Variants in SNTG1 observed in about 807,000 individuals in gnomAD.
The protein encoded by SNTG1 is gamma-1-syntrophin.
A neutral mutation model predicts 74.7 loss-of-function variants in SNTG1; 39 were observed. The observed-to-expected ratio is 0.52, with a 90% CI of 0.40 to 0.68. The LOEUF is 0.68. SNTG1 is among the 30% of genes least tolerant of loss of function. The pLI is 0.00. For synonymous variants in SNTG1, 254 were observed against 217.1 expected (o/e 1.17, Z -1.49); for missense variants, 685 against 609.5 (o/e 1.12, Z -1.30).
intron 1 of SNTG1, among the ~76,000 whole-genome samples, chr8:50,124,448 C>T (rs1003297266): frequency 7.0e-6 from 1 of 142,104 alleles, no homozygotes; most frequent in Non-Finnish European, 1.6e-5. Flanking sequence ...AATCATTGTT[C>T]AGAAATTTTT....
At chr8:50,280,985 C>CAAAAAAAAAAAAA (rs35973666) in intron 2 of SNTG1, among the ~76,000 whole-genome samples, 8 of 75,442 alleles carry the variant, frequency 1.1e-4, no homozygotes, top group Admixed American at 3.1e-4. Context: ...AACCCAGTCT[C>CAAAAAAAAAAAAA]AAAAAAAAAA....
intron 18 of SNTG1, among the ~76,000 whole-genome samples, chr8:50,772,373 T>A: frequency 6.6e-6 from 1 of 152,146 alleles, no homozygotes; most frequent in East Asian, 1.9e-4. Context: ...TGTTTTGGAC[T>A]TATGTAGGGC....
At chr8:50,537,146 G>C in intron 11 of SNTG1, among the ~76,000 whole-genome samples, 1 of 152,008 alleles carries the variant, frequency 6.6e-6, no homozygotes, top group East Asian at 1.9e-4. Context: ...TTATTTTGAG[G>C]CAAGGTCTAG....
Position 50,700,571 on chromosome 8 carries a change from T to C in SNTG1, c.1039-4029T>C, listed in dbSNP as rs139284717. Among the ~76,000 whole-genome samples the C allele has an allele frequency of 2.4e-3, 363 of 152,284 alleles. 3 individuals carry two copies. In the East Asian group the frequency reaches 0.036, roughly 15 times the overall value. Reference sequence around the variant, plus strand: ...ATCTTTTCCTGGCAGGTGCATTCTATGAATTTCTTAGCAGGATCACCTGGT... The same window carrying C: ...ATCTTTTCCTGGCAGGTGCATTCTACGAATTTCTTAGCAGGATCACCTGGT... On this transcript the variant is annotated intron_variant, in intron 15 of 18. Coordinates refer to ENST00000642720, the MANE Select transcript of SNTG1 (RefSeq NM_018967.5).
intron 15 of SNTG1, among the ~76,000 whole-genome samples, chr8:50,687,111 C>T (rs552054567): frequency 3.4e-5 from 5 of 147,584 alleles, no homozygotes; most frequent in South Asian, 2.1e-4. Context: ...GTCCGCAGTC[C>T]GGCCTGGGCG....
chr8:50,100,760 C>A (rs535620409), intron 1 of SNTG1, among the ~76,000 whole-genome samples: 1 of 151,938 alleles, frequency 6.6e-6, no homozygotes, highest in Non-Finnish European at 1.5e-5. Context: ...TTTAAAAGTA[C>A]AATAATACTT....
intron 1 of SNTG1, among the ~76,000 whole-genome samples, chr8:50,109,679 G>A (rs796261370): frequency 2.6e-5 from 4 of 152,218 alleles, no homozygotes; most frequent in African/African-American, 9.6e-5. Flanking sequence ...GGAGATCCTC[G>A]GTTCTTGGTC....
At chr8:50,141,225 A>G (rs2081645346) in intron 1 of SNTG1, among the ~76,000 whole-genome samples, 1 of 152,194 alleles carries the variant, frequency 6.6e-6, no homozygotes, top group Non-Finnish European at 1.5e-5. Flanking sequence ...GCCAGATCAG[A>G]TAGTAAGTGC....
chr8:50,767,860 G>A (rs1199735547), intron 18 of SNTG1, among the ~76,000 whole-genome samples: 4 of 151,872 alleles, frequency 2.6e-5, no homozygotes, highest in Non-Finnish European at 5.9e-5. Context: ...TTCAAAACGT[G>A]CTGTATTCTA....
At chr8:50,669,461 G>A (rs1311475458) in intron 15 of SNTG1, among the ~76,000 whole-genome samples, 3 of 152,022 alleles carry the variant, frequency 2.0e-5, no homozygotes, top group Non-Finnish European at 4.4e-5. Context: ...TAAATTCCTC[G>A]ACACATACAC....
At chr8:50,440,741 A>C (rs1346520333) in intron 5 of SNTG1, among the ~76,000 whole-genome samples, 1 of 152,214 alleles carries the variant, frequency 6.6e-6, no homozygotes, top group African/African-American at 2.4e-5. Context: ...TATTAATTAA[A>C]ACCTTTATGG....
chr8:50,448,500 T>C (rs2093426148), intron 5 of SNTG1, among the ~76,000 whole-genome samples: 1 of 152,324 alleles, frequency 6.6e-6, no homozygotes, highest in Admixed American at 6.5e-5. Context: ...ACAACCTCAA[T>C]GGAATTCAGA....
chr8:50,025,461 A>T (rs1448665753), intron 1 of SNTG1, among the ~76,000 whole-genome samples: 1 of 152,164 alleles, frequency 6.6e-6, no homozygotes, highest in Non-Finnish European at 1.5e-5. Flanking sequence ...CTATGAGATG[A>T]TGTGATAGCC....
At chr8:50,138,865 A>C (rs1018432122) in intron 1 of SNTG1, among the ~76,000 whole-genome samples, 1 of 151,962 alleles carries the variant, frequency 6.6e-6, no homozygotes, top group African/African-American at 2.4e-5. Flanking sequence ...GCAAATAAAA[A>C]CTATAAGTTA....
chr8:50,433,185 T>A (rs1485381105), intron 4 of SNTG1, among the ~76,000 whole-genome samples: 1 of 152,246 alleles, frequency 6.6e-6, no homozygotes, highest in Non-Finnish European at 1.5e-5. Flanking sequence ...AAGAAAGCAA[T>A]TTAATTTTTA....
rs546249106 is a variant in SNTG1 at position 50,591,595 on chromosome 8, T to C, written c.849+678T>C. Among the ~76,000 whole-genome samples the C allele has an allele frequency of 2.6e-5, 4 of 152,338 alleles. No individual in the cohort carries two copies. In the South Asian group the frequency reaches 8.3e-4, roughly 32 times the overall value. ...ATTTTGAGGATTAAATAATAGCACA[T>C]GTAAAGTTCTCAATCTATGCTATCA... is the stretch of plus-strand genomic sequence containing the variant. On this transcript the variant is annotated intron_variant, in intron 13 of 18. Coordinates refer to ENST00000642720, the MANE Select transcript of SNTG1 (RefSeq NM_018967.5).
intron 4 of SNTG1, among the ~76,000 whole-genome samples, chr8:50,437,740 A>G (rs150639230): frequency 6.6e-6 from 1 of 152,340 alleles, no homozygotes; most frequent in African/African-American, 2.4e-5. Context: ...TATAAGTTAA[A>G]GCGTTCAGCC....
At chr8:50,174,883 C>A (rs1266110209) in intron 2 of SNTG1, among the ~76,000 whole-genome samples, 1 of 135,410 alleles carries the variant, frequency 7.4e-6, no homozygotes, top group Middle Eastern at 3.8e-3. Flanking sequence ...CACAACAGTC[C>A]CCGGTGTGTG....
intron 2 of SNTG1, among the ~76,000 whole-genome samples, chr8:50,224,438 C>T (rs934661526): frequency 2.0e-5 from 3 of 152,176 alleles, no homozygotes; most frequent in Admixed American, 1.3e-4. Context: ...GGATCCAGAA[C>T]TCAGTTTTCA....
Sources: allele counts gnomAD v4.1 joint callset (sites outside exome capture counted in the v4.1 genomes callset), GRCh38; gene constraint gnomAD v4.1.1; transcripts MANE v1.5; gene names NCBI Gene and HGNC (gene_info 2026-07-23, HGNC 2026-07-21).